Variants in NHSL1 observed in about 807,000 individuals in gnomAD.
NHSL1 encodes NHS like 1.
NHSL1 carries 48 observed loss-of-function variants against 95.0 expected under a neutral mutation model. The ratio of observed to expected loss-of-function variants is 0.51; its 90% CI spans 0.40 to 0.64. NHSL1 has a LOEUF of 0.64. Among genes scored for constraint, NHSL1 ranks in the 30% least tolerant of loss-of-function variants. The pLI, the probability that NHSL1 is intolerant of heterozygous loss-of-function variation, is 0.00. For missense variants in NHSL1, 1,971 were observed against 2,077.7 expected, an observed-to-expected ratio of 0.95 and a Z score of 1.00; for synonymous variants, 783 against 833.9, an observed-to-expected ratio of 0.94 and a Z score of 1.05.
intron 3 of NHSL1, 90 bp downstream of exon 3, chr6:138,473,216 C>T (rs1488480360): frequency 2.7e-6 from 3 of 1,131,032 alleles, no homozygotes; most frequent in South Asian, 6.1e-5. Flanking sequence ...AAAATACAGG[C>T]TCAATTTTGA....
At chr6:138,506,285 A>G (rs973869744) in intron 1 of NHSL1, among the ~76,000 whole-genome samples, 1 of 152,206 alleles carries the variant, frequency 6.6e-6, no homozygotes, top group Admixed American at 6.5e-5. Context: ...GTTTTTATTA[A>G]TAGTTTCACA....
At position 138,564,207 on chromosome 6, in the gene NHSL1, G is replaced by C. The variant is rs139411545; in HGVS notation, c.202+7503C>G. ...CACTCAAAAAAGTCCAGAGTTGAGA[G>C]CACTGGGAATAAGCATACAGTGCTA... On this transcript the variant is annotated intron_variant, in intron 1 of 6. Coordinates refer to the NHSL1 transcript ENST00000427025. Among the ~76,000 whole-genome samples the C allele has an allele frequency of 4.9e-3, 747 of 152,320 alleles. 9 individuals are homozygous for C. The highest frequency in any genetic ancestry group is 0.017 in the African/African-American group (707 of 41,578).
At chr6:138,656,417 T>C (rs1245063028) in intron 1 of NHSL1, among the ~76,000 whole-genome samples, 3 of 152,198 alleles carry the variant, frequency 2.0e-5, no homozygotes, top group Non-Finnish European at 2.9e-5. Flanking sequence ...CTGTAAATCA[T>C]GCGGCCCTCT....
intron 1 of NHSL1, among the ~76,000 whole-genome samples, chr6:138,522,550 A>G (rs1781725699): frequency 1.3e-5 from 2 of 152,240 alleles, no homozygotes; most frequent in Admixed American, 6.5e-5. Context: ...CTGAGGCAGG[A>G]GAATCACTTG....
At chr6:138,485,201 T>C (rs978956947) in intron 2 of NHSL1, among the ~76,000 whole-genome samples, 2 of 152,206 alleles carry the variant, frequency 1.3e-5, no homozygotes, top group Non-Finnish European at 2.9e-5. Context: ...TCGTGAATGA[T>C]AACAAACCTT....
Position 138,605,165 on chromosome 6 carries a change from A to G in NHSL1, c.96+87311T>C, listed in dbSNP as rs117022679. On this transcript the variant is annotated intron_variant, in intron 1 of 3. Coordinates refer to the NHSL1 transcript ENST00000491526. ...AGAAAACTGACTGGCATGAAGCACA[A>G]TTAACTAGACAACGGACCTGACTTG... Among the ~76,000 whole-genome samples the G allele has an allele frequency of 1.6e-3, 241 of 152,300 alleles. 1 individual carries two copies. The highest frequency in any genetic ancestry group is 2.6e-3 in the Non-Finnish European group (174 of 68,030).
chr6:138,648,547 T>G (rs951662080), intron 1 of NHSL1, among the ~76,000 whole-genome samples: 3 of 152,158 alleles, frequency 2.0e-5, no homozygotes, highest in Non-Finnish European at 4.4e-5. Context: ...TCTCCATTCA[T>G]GTGACCTCCC....
intron 1 of NHSL1, among the ~76,000 whole-genome samples, chr6:138,657,629 C>T (rs1476500209): frequency 4.0e-5 from 6 of 151,482 alleles, no homozygotes; most frequent in Admixed American, 2.6e-4. Context: ...CTGGCTAACA[C>T]GGTGAAACCC....
upstream of NHSL1, among the ~76,000 whole-genome samples, chr6:138,501,263 C>T (rs568629513): frequency 2.6e-5 from 4 of 152,264 alleles, no homozygotes; most frequent in Middle Eastern, 3.4e-3. Context: ...TACCAGGCAC[C>T]GATGCTAACT....
At position 138,447,127 on chromosome 6, in the gene NHSL1, T is replaced by C; in HGVS notation, c.406A>G (p.Ser136Gly). Residue 136 changes from serine to glycine, a missense_variant, in exon 4 of 8, where the codon AGT (serine) becomes GGT (glycine). Around this residue, in one of 3 missense-constraint regions of NHSL1, gnomAD observed 1,602 missense variants for 1,654.5 expected, o/e 0.97. Transcript: ENST00000343505. ...TGAGTATTAAGGTCGGAGAAGTCAC[T>C]TGAGGCTGGTGTTTTAGGTCTCCTG... ...SIRRPKTPAS[S>G]DFSDLNTQTN... 6.4e-7 allele frequency: 1 copy of C among 1,551,834 alleles called. No homozygotes were observed. The highest frequency in any genetic ancestry group is 1.4e-5 in the African/African-American group (1 of 73,174).
At chr6:138,468,397 C>G (rs1471354545) in intron 3 of NHSL1, among the ~76,000 whole-genome samples, 1 of 152,200 alleles carries the variant, frequency 6.6e-6, no homozygotes, top group Non-Finnish European at 1.5e-5. Flanking sequence ...GCACTTGTAC[C>G]CATCTGTGGC....
chr6:138,456,144 A>AG (rs1777598384), intron 3 of NHSL1, among the ~76,000 whole-genome samples: 1 of 152,196 alleles, frequency 6.6e-6, no homozygotes, highest in Non-Finnish European at 1.5e-5. Context: ...TGAGAGTGAA[A>AG]GGGGGTGCAA....
chr6:138,491,828 A>C (rs1780095412), intron 2 of NHSL1, among the ~76,000 whole-genome samples: 1 of 152,180 alleles, frequency 6.6e-6, no homozygotes, highest in Non-Finnish European at 1.5e-5. Context: ...CATTATAACT[A>C]CTGAGTGAGA....
At chr6:138,580,287 A>G (rs984459829) in intron 1 of NHSL1, among the ~76,000 whole-genome samples, 4 of 152,172 alleles carry the variant, frequency 2.6e-5, no homozygotes, top group African/African-American at 9.7e-5. Flanking sequence ...CCTCCCCTAG[A>G]GGAGTATAAA....
At position 138,650,525 on chromosome 6, in the gene NHSL1, G is replaced by GT. The variant is rs1184775637; in HGVS notation, c.96+41950dup. On this transcript the variant is annotated intron_variant, in intron 1 of 3. Transcript: ENST00000491526. ...AGGCACTGATGAAGTAGGCCAGTAG[G>GT]TTACAGCCTCACAAGAAAACCACAT... 4.9e-6 allele frequency: 3 copies of GT among 617,336 alleles called. No homozygotes were observed. The African/African-American group carries it at 5.5e-5, about 11-fold the overall frequency. 38.2% of individuals were successfully genotyped at this position (617,336 alleles called of 1,614,324 possible). A position where few individuals can be genotyped will look rare whatever the true frequency, so the allele number is the denominator to read the frequency against.
At chr6:138,450,028 T>C (rs910479631) in intron 3 of NHSL1, among the ~76,000 whole-genome samples, 2 of 152,210 alleles carry the variant, frequency 1.3e-5, no homozygotes, top group Non-Finnish European at 2.9e-5. Flanking sequence ...GATCTGATTC[T>C]GGTTAAAAGG....
At chr6:138,521,947 G>A (rs1325638125) in intron 1 of NHSL1, among the ~76,000 whole-genome samples, 1 of 152,176 alleles carries the variant, frequency 6.6e-6, no homozygotes, top group African/African-American at 2.4e-5. Context: ...AAGAGGAGGA[G>A]CCTTGGAGGA....
intron 1 of NHSL1, among the ~76,000 whole-genome samples, chr6:138,505,233 G>C (rs1382261792): frequency 6.6e-6 from 1 of 152,054 alleles, no homozygotes; most frequent in African/African-American, 2.4e-5. Context: ...CACAAATACT[G>C]TTAAACAATA....
intron 1 of NHSL1, among the ~76,000 whole-genome samples, chr6:138,540,414 G>A (rs1410480299): frequency 1.3e-5 from 2 of 152,216 alleles, no homozygotes; most frequent in Non-Finnish European, 2.9e-5. Context: ...CCAGATTTAA[G>A]AAGGGGCTAG....
Sources: gnomAD v4.1 joint callset for allele counts (sites outside exome capture counted in the v4.1 genomes callset) on GRCh38, gnomAD v4.1.1 for gene constraint, gnomAD v4.1.1 regional missense constraint, MANE v1.5 for transcripts, NCBI Gene and HGNC (gene_info 2026-07-23, HGNC 2026-07-21) for gene names.